TGFBI: variants seen among roughly 807,000 people sequenced by gnomAD.
TGFBI encodes transforming growth factor beta induced, also known as transforming growth factor-beta-induced protein ig-h3.
In TGFBI, 50 loss-of-function variants were observed where a neutral mutation model predicts 73.7. The observed-to-expected ratio is 0.68, with a 90% CI of 0.54 to 0.86. The LOEUF (loss-of-function observed/expected upper bound fraction) is 0.86. TGFBI is among the 40% of genes least tolerant of loss of function. The pLI is 0.00. For missense variants in TGFBI, 839 were observed against 877.0 expected (o/e 0.96, Z 0.55); for synonymous variants, 362 against 360.5 (o/e 1.00, Z -0.05).
intron 12 of TGFBI, 109 bp downstream of exon 12, chr5:136,056,904 A>T: frequency 1.5e-6 from 2 of 1,365,848 alleles, no homozygotes; most frequent in Admixed American, 4.7e-5. Context: ...GGATTTTATG[A>T]CAAGACTATT....
rs765121774 is a variant in TGFBI at position 136,046,499 on chromosome 5, A to T, written c.459+4A>T. 6.2e-7 allele frequency: 1 copy of T among 1,601,458 alleles called. No individual in the cohort carries two copies. Among genetic ancestry groups the T allele is most frequent in the South Asian group, 1.1e-5 (1 of 89,840 alleles). On this transcript the variant is annotated splice_donor_region_variant and intron_variant, in intron 4 of 16. Coordinates refer to ENST00000442011, the MANE Select transcript of TGFBI (RefSeq NM_000358.3). ...GGCCTGGGCCTCCTTGCCAGCTGTG[A>T]GATGACCTCCGTCTGCCCGGGGGAC...
intron 3 of TGFBI, among the ~76,000 whole-genome samples, chr5:136,045,510 A>G (rs1031967231): frequency 6.6e-6 from 1 of 152,070 alleles, no homozygotes; most frequent in Non-Finnish European, 1.5e-5. Flanking sequence ...GGGCCGTTGC[A>G]CTCCAGCCTG....
At chr5:136,056,935 T>A (rs1211319558) in intron 12 of TGFBI, 140 bp downstream of exon 12, 2 of 1,169,318 alleles carry the variant, frequency 1.7e-6, no homozygotes, top group Non-Finnish European at 2.4e-6. Flanking sequence ...TGGGCGGGAC[T>A]AAAGGAACTA....
intron 1 of TGFBI, among the ~76,000 whole-genome samples, chr5:136,030,689 T>C (rs1336105761): frequency 2.0e-5 from 3 of 152,218 alleles, no homozygotes; most frequent in Non-Finnish European, 4.4e-5. Context: ...ATTTTTATTA[T>C]CTCTGCCCAC....
chr5:136,038,129 G>A (rs1751263680), intron 2 of TGFBI, among the ~76,000 whole-genome samples: 1 of 152,184 alleles, frequency 6.6e-6, no homozygotes, highest in Admixed American at 6.5e-5. Flanking sequence ...CGCCTCTGTT[G>A]GGCAGTGTTT....
chr5:136,054,257 G>A (rs1751586972), intron 9 of TGFBI, among the ~76,000 whole-genome samples, 177 bp downstream of exon 9: 1 of 152,342 alleles, frequency 6.6e-6, no homozygotes, highest in African/African-American at 2.4e-5. Flanking sequence ...TGTTTCATTA[G>A]GCAGTGCAGA....
At chr5:136,033,914 T>A in intron 2 of TGFBI, 53 bp downstream of exon 2, 1 of 1,460,510 alleles carries the variant, frequency 6.8e-7, no homozygotes, top group Non-Finnish European at 9.5e-7. Flanking sequence ...CTGGCTGCAG[T>A]TCCCCAGGGC....
intron 10 of TGFBI, chr5:136,055,319 G>T: frequency 9.0e-6 from 2 of 222,802 alleles, no homozygotes; most frequent in East Asian, 1.0e-4. Flanking sequence ...TCTTGCCTGG[G>T]ACCAACCAGC....
At position 136,044,056 on chromosome 5, in the gene TGFBI, A is replaced by G. The variant is rs1382707660; in HGVS notation, c.234-2A>G. The G allele has an allele frequency of 3.1e-6, 5 of 1,613,062 alleles. No individual in the cohort carries two copies. Among genetic ancestry groups the G allele is most frequent in the Non-Finnish European group, 8.5e-7 (1 of 1,179,346 alleles). On this transcript the variant is annotated splice_acceptor_variant, in intron 2 of 16. Transcript: ENST00000442011. LOFTEE classifies it high-confidence loss of function. ...ACACAATGTATGGTTGTCTTGTTAC[A>G]GAGTCATCAGCTACGAGTGCTGTCC... is the stretch of plus-strand genomic sequence containing the variant.
intron 2 of TGFBI, among the ~76,000 whole-genome samples, chr5:136,042,466 T>G (rs1751356499): frequency 6.6e-6 from 1 of 152,186 alleles, no homozygotes; most frequent in South Asian, 2.1e-4. Context: ...CCACACCACC[T>G]TTGAAAGTGT....
chr5:136,061,082 T>G, intron 14 of TGFBI, 146 bp downstream of exon 14: 1 of 643,422 alleles, frequency 1.6e-6, no homozygotes. Context: ...GATTGCAGAG[T>G]GAATTGGGAG....
At chr5:136,035,624 CA>C (rs1191524920) in intron 2 of TGFBI, among the ~76,000 whole-genome samples, 126 of 71,854 alleles carry the variant, frequency 1.8e-3, no homozygotes, top group East Asian at 3.0e-3. Context: ...GACACCGTCT[CA>C]AAAAAAAAAA....
chr5:136,043,360 A>G (rs1447765796), intron 2 of TGFBI, among the ~76,000 whole-genome samples: 2 of 152,206 alleles, frequency 1.3e-5, no homozygotes, highest in Admixed American at 6.5e-5. Context: ...TCAATTTCAA[A>G]CCAGAAAACA....
chr5:136,054,159 G>T, intron 9 of TGFBI, 79 bp downstream of exon 9: 7 of 1,545,164 alleles, frequency 4.5e-6, no homozygotes, highest in Non-Finnish European at 6.2e-6. Flanking sequence ...AACACTCTCC[G>T]ATTTACAGCA....
At position 136,056,559 on chromosome 5, in the gene TGFBI, A is replaced by G. The variant is rs1360518452; in HGVS notation, c.1548-106A>G. On this transcript the variant is annotated intron_variant, in intron 11 of 16. Transcript: ENST00000442011. ...TGTGCATTCCAGTGGCCTGGACTCT[A>G]CTATCCTCAGTGGTGAGGTATTTAA... 2.7e-6 allele frequency: 4 copies of G among 1,487,160 alleles called. No homozygotes were observed. The African/African-American group carries it at 4.1e-5, about 15-fold the overall frequency. 92.1% of individuals were successfully genotyped at this position (1,487,160 alleles called of 1,614,324 possible).
intron 13 of TGFBI, 94 bp downstream of exon 13, chr5:136,059,308 C>G (rs1751706538): frequency 6.7e-7 from 1 of 1,502,096 alleles, no homozygotes; most frequent in Non-Finnish European, 9.0e-7. Context: ...ACACACACAA[C>G]CTTCAAGTTG....
chr5:136,063,251 A>G lies in TGFBI; in HGVS notation c.*25A>G, dbSNP rs1751781863. The G allele has an allele frequency of 6.2e-7, 1 of 1,607,226 alleles. No homozygotes were observed. The highest frequency in any genetic ancestry group is 8.5e-7 in the Non-Finnish European group (1 of 1,174,264). ...GCTTGAAGCACTACAGGAGGAATGCACCACGGCAGCTCTCCGCCAATTTCT... is the reference window on the plus strand; with the variant it reads ...GCTTGAAGCACTACAGGAGGAATGCGCCACGGCAGCTCTCCGCCAATTTCT... On this transcript the variant is annotated 3_prime_UTR_variant, in exon 17 of 17. Transcript: ENST00000442011.
chr5:136,037,022 A>T (rs1055217255), intron 2 of TGFBI, among the ~76,000 whole-genome samples: 4 of 152,092 alleles, frequency 2.6e-5, no homozygotes, highest in Admixed American at 2.6e-4. Flanking sequence ...ACCTGGTGAG[A>T]CAGGAGCCTG....
intron 1 of TGFBI, 49 bp downstream of exon 1, chr5:136,029,238 G>C: frequency 7.0e-7 from 1 of 1,420,764 alleles, no homozygotes; most frequent in South Asian, 1.5e-5. Flanking sequence ...GGTAGTCGGG[G>C]CTCGGAGCGC....
Sources: gnomAD v4.1 joint callset for allele counts (sites outside exome capture counted in the v4.1 genomes callset) on GRCh38, gnomAD v4.1.1 for gene constraint, MANE v1.5 for transcripts, NCBI Gene and HGNC (gene_info 2026-07-23, HGNC 2026-07-21) for gene names.